SLC25A3: variants seen among roughly 807,000 people sequenced by gnomAD.
SLC25A3 encodes the protein solute carrier family 25 member 3.
SLC25A3 carries 14 observed loss-of-function variants against 37.1 expected under a neutral mutation model. That is an observed-to-expected ratio of 0.38 (90% confidence interval 0.25 to 0.59). SLC25A3 has a LOEUF of 0.59. Among genes scored for constraint, SLC25A3 ranks in the 20% least tolerant of loss-of-function variants. The pLI is 0.67. For synonymous variants in SLC25A3, 161 were observed against 168.7 expected, an observed-to-expected ratio of 0.95 and a Z score of 0.36; for missense variants, 385 against 458.1, an observed-to-expected ratio of 0.84 and a Z score of 1.46.
intron 6 of SLC25A3, among the ~76,000 whole-genome samples, chr12:98,600,602 C>T (rs563135370): frequency 2.6e-5 from 4 of 152,034 alleles, no homozygotes; most frequent in South Asian, 4.2e-4. Context: ...TTAGTAGAGA[C>T]GGTTTCACTA....
intron 6 of SLC25A3, among the ~76,000 whole-genome samples, chr12:98,600,531 G>C (rs565241740): frequency 6.6e-6 from 1 of 152,320 alleles, no homozygotes; most frequent in Admixed American, 6.5e-5. Context: ...TCCTGTCTCA[G>C]CCTCCTGAGT....
rs2097598906 is a variant in SLC25A3 at position 98,602,818 on chromosome 12, C to T, written c.*1290C>T. 6.6e-6 allele frequency: 1 copy of T among 152,150 alleles called. No individual in the cohort carries two copies. The highest frequency in any genetic ancestry group is 2.1e-4 in the South Asian group (1 of 4,830). 9.4% of individuals were successfully genotyped at this position (152,150 alleles called of 1,614,324 possible). On this transcript the variant is annotated 3_prime_UTR_variant, in exon 8 of 8. Transcript: ENST00000552981. ...GTAATACGTGGGTTGGTTAACAGTCCCTACGTAAAGCGTACAGATGGCCTG... is the reference window on the plus strand; with the variant it reads ...GTAATACGTGGGTTGGTTAACAGTCTCTACGTAAAGCGTACAGATGGCCTG...
In SLC25A3 at chr12:98,599,020, C is replaced by T. The variant is rs551205684; in HGVS notation, c.641+317C>T. Among the ~76,000 whole-genome samples the T allele has an allele frequency of 8.6e-5, 13 of 151,910 alleles. No homozygotes were observed. The East Asian group carries it at 2.5e-3, about 29-fold the overall frequency. ...TCATGATCCGCCCACCTTGGCCTCC[C>T]AAAATGCTGGGATTACAGGTGTGAG... On this transcript the variant is annotated intron_variant, in intron 5 of 7. Transcript: ENST00000552981.
In SLC25A3 at chr12:98,601,491, CAG is replaced by C; in HGVS notation, c.1052_1053del (p.Glu351ValfsTer24). 6.2e-7 allele frequency: 1 copy of C among 1,613,936 alleles called. No homozygotes were observed. The highest frequency in any genetic ancestry group is 8.5e-7 in the Non-Finnish European group (1 of 1,179,882). ...CCTCGCCCTCCTCCACCCGAGATGC[CAG>C]AGTCTCTGAAGAAGAAGCTTGGGTT... On this transcript the variant is annotated frameshift_variant, in exon 8 of 8. Coordinates refer to ENST00000552981, the MANE Select transcript of SLC25A3 (RefSeq NM_002635.4). LOFTEE classifies it high-confidence loss of function.
intron 5 of SLC25A3, among the ~76,000 whole-genome samples, chr12:98,599,399 A>T (rs939634066): frequency 6.6e-6 from 1 of 152,160 alleles, no homozygotes; most frequent in African/African-American, 2.4e-5. Context: ...TTTTAAAAAG[A>T]CTATTATAAC....
chr12:98,600,143 AAC>A lies in SLC25A3; in HGVS notation c.814+21_814+22del. ...GGTTACATAGGTACGAATTACTTAG[AAC>A]ACACTTGTCTGAAATTATGAACAAA... On this transcript the variant is annotated intron_variant, in intron 6 of 7. Transcript: ENST00000552981. 6.9e-7 allele frequency: 1 copy of A among 1,453,162 alleles called. No homozygotes were observed. The highest frequency in any genetic ancestry group is 9.7e-7 in the Non-Finnish European group (1 of 1,032,862). 90.0% of individuals were successfully genotyped at this position (1,453,162 alleles called of 1,614,324 possible).
chr12:98,599,843 G>A, intron 5 of SLC25A3, 112 bp from the exon 6 acceptor site: 3 of 1,085,278 alleles, frequency 2.8e-6, no homozygotes, highest in Non-Finnish European at 2.9e-6. Flanking sequence ...CATTTATGCT[G>A]CCATTTGTTA....
intron 2 of SLC25A3, 40 bp from the exon 3 acceptor site, chr12:98,595,687 T>G: frequency 4.3e-6 from 7 of 1,614,030 alleles, no homozygotes; most frequent in Non-Finnish European, 5.9e-6. Flanking sequence ...GTAACATGAG[T>G]TTTATATTAA....
At chr12:98,597,538 C>T (rs1436171649) in intron 3 of SLC25A3, 10 of 341,238 alleles carry the variant, frequency 2.9e-5, no homozygotes, top group African/African-American at 1.9e-4. Context: ...CTGTCTCACC[C>T]TCACCCTCCC....
chr12:98,599,732 C>G lies in SLC25A3; in HGVS notation c.642-223C>G, dbSNP rs755866398. 7.1e-6 allele frequency: 5 copies of G among 704,014 alleles called. No homozygotes were observed. In the East Asian group the frequency reaches 1.1e-4, roughly 16 times the overall value. 43.6% of individuals were successfully genotyped at this position (704,014 alleles called of 1,614,324 possible). ...GTGGTTCCAGTAGTCAAAGAAACATCCAGCAACTTTTTTGGTTGTATAGTC... is the reference window on the plus strand; with the variant it reads ...GTGGTTCCAGTAGTCAAAGAAACATGCAGCAACTTTTTTGGTTGTATAGTC... On this transcript the variant is annotated intron_variant, in intron 5 of 7. Coordinates refer to ENST00000552981, the MANE Select transcript of SLC25A3 (RefSeq NM_002635.4).
intron 5 of SLC25A3, chr12:98,599,533 A>T (rs1405557367): frequency 6.9e-6 from 3 of 435,580 alleles, no homozygotes; most frequent in African/African-American, 2.0e-5. Context: ...TTGTCGGTCT[A>T]CAAATGACTT....
At position 98,594,069 on chromosome 12, in the gene SLC25A3, A is replaced by C; in HGVS notation, c.91A>C (p.Ser31Arg). The C allele has an allele frequency of 6.2e-7, 1 of 1,612,864 alleles. No individual in the cohort carries two copies. Among genetic ancestry groups the C allele is most frequent in the Non-Finnish European group, 8.5e-7 (1 of 1,179,786 alleles). ...LVHDGLGDLR[S>R]SSPGPTGQPR... ...GCACGATGGTCTCGGGGACCTCCGC[A>C]GCAGCTCCCCAGGGCCCACGGGCCA... Residue 31 changes from serine to arginine, a missense_variant, in exon 2 of 8, where the codon AGC becomes CGC. By Grantham distance (110) the Ser-to-Arg change is moderately radical (BLOSUM62 -1). Coordinates refer to ENST00000552981, the MANE Select transcript of SLC25A3 (RefSeq NM_002635.4).
rs1479772054 is a variant in SLC25A3 at position 98,605,940 on chromosome 12, A to T, written c.*4412A>T. ...GGAGACCAGCCTGGGCAACAAAGTG[A>T]GACCCCTCTCTCTACAAAAAATAAA... On this transcript the variant is annotated 3_prime_UTR_variant, in exon 8 of 8. Coordinates refer to ENST00000552981, the MANE Select transcript of SLC25A3 (RefSeq NM_002635.4). The T allele has an allele frequency of 6.6e-6, 1 of 152,068 alleles. No individual in the cohort carries two copies. Among genetic ancestry groups the T allele is most frequent in the East Asian group, 1.9e-4 (1 of 5,182 alleles). The allele number at this position is 152,068 out of a possible 1,614,324, so 9.4% of individuals were successfully genotyped here.
At chr12:98,598,816 C>T in intron 5 of SLC25A3, 113 bp downstream of exon 5, 1 of 1,045,516 alleles carries the variant, frequency 9.6e-7, no homozygotes, top group Non-Finnish European at 1.4e-6. Flanking sequence ...CGCTCTGTCA[C>T]CCAGGCTGGA....
intron 7 of SLC25A3, 36 bp downstream of exon 7, chr12:98,601,317 C>A (rs376457266): frequency 4.5e-5 from 73 of 1,613,898 alleles, no homozygotes; most frequent in Non-Finnish European, 5.9e-5. Flanking sequence ...GAAAGAACAA[C>A]AGTTTTGGAT....
chr12:98,595,276 A>T, intron 2 of SLC25A3: 1 of 690,192 alleles, frequency 1.4e-6, no homozygotes. Flanking sequence ...AAATGATCTG[A>T]ATTTGGCAGT....
chr12:98,606,018 A>C lies in SLC25A3; in HGVS notation c.*4490A>C, dbSNP rs1322705119. 3.3e-5 allele frequency: 5 copies of C among 152,050 alleles called. No individual in the cohort carries two copies. Among genetic ancestry groups the C allele is most frequent in the Non-Finnish European group, 7.4e-5 (5 of 68,022 alleles). 9.4% of individuals were successfully genotyped at this position (152,050 alleles called of 1,614,324 possible). A position where few individuals can be genotyped will look rare whatever the true frequency, so the allele number is the denominator to read the frequency against. ...TAATCTCAGCTACTTAGGAAGCTGA[A>C]GGAGGATCGTCTGAGCCCAGGAGTT... On this transcript the variant is annotated 3_prime_UTR_variant, in exon 8 of 8. Transcript: ENST00000552981.
Position 98,598,672 on chromosome 12 carries a change from C to T in SLC25A3, c.610C>T (p.Pro204Ser), listed in dbSNP as rs565558081. 1.2e-6 allele frequency: 2 copies of T among 1,613,904 alleles called. No homozygotes were observed. The highest frequency in any genetic ancestry group is 2.7e-5 in the African/African-American group (2 of 75,010). The change falls in exon 5 of 8, where the codon CCC becomes TCC. Residue 204 changes from proline to serine, a missense_variant. Transcript: ENST00000552981. Reference sequence around the variant, plus strand: ...TGCCAACACTTTGAGGGATGCAGCTCCCAAAATGTATAAGGAAGAAGGCCT... The same window carrying T: ...TGCCAACACTTTGAGGGATGCAGCTTCCAAAATGTATAAGGAAGAAGGCCT... ...GYANTLRDAA[P>S]KMYKEEGLKA... is the part of the protein sequence containing the mutation.
rs1326111259 is a variant in SLC25A3 at position 98,604,415 on chromosome 12, T to C, written c.*2887T>C. 6.6e-6 allele frequency: 1 copy of C among 151,918 alleles called. No homozygotes were observed. Among genetic ancestry groups the C allele is most frequent in the Non-Finnish European group, 1.5e-5 (1 of 67,992 alleles). 9.4% of individuals were successfully genotyped at this position (151,918 alleles called of 1,614,324 possible). On this transcript the variant is annotated 3_prime_UTR_variant, in exon 8 of 8. Transcript: ENST00000552981. ...CCTGATTTTATGAAATTATGCCTTCTGATAGGTGCAACAAAATTGAACAGA... is the reference window on the plus strand; with the variant it reads ...CCTGATTTTATGAAATTATGCCTTCCGATAGGTGCAACAAAATTGAACAGA...
Sources: gnomAD v4.1 joint callset for allele counts (sites outside exome capture counted in the v4.1 genomes callset) on GRCh38, gnomAD v4.1.1 for gene constraint, MANE v1.5 for transcripts, NCBI Gene and HGNC (gene_info 2026-07-23, HGNC 2026-07-21) for gene names.